RAD18: variants seen among roughly 807,000 people sequenced by gnomAD.
The protein encoded by RAD18 is E3 ubiquitin-protein ligase RAD18.
Under a neutral mutation model 60.4 loss-of-function variants are expected in RAD18, and 47 were observed. The observed-to-expected ratio is 0.78, with a 90% CI of 0.62 to 0.99. RAD18 has a LOEUF of 0.99. Ranked by LOEUF, RAD18 falls within the 50% of genes least tolerant of loss-of-function variation. RAD18 has a pLI of 0.00. For synonymous variants in RAD18, 225 were observed against 195.5 expected (o/e 1.15, Z -1.26); for missense variants, 640 against 593.3 (o/e 1.08, Z -0.82).
At chr3:8,957,387 T>G (rs1476027104) in intron 2 of RAD18, among the ~76,000 whole-genome samples, 1 of 151,930 alleles carries the variant, frequency 6.6e-6, no homozygotes, top group African/African-American at 2.4e-5. Context: ...GAAAAAAAAG[T>G]TGGAGGACTT....
chr3:8,944,574 C>T (rs148199540), intron 4 of RAD18, among the ~76,000 whole-genome samples: 50 of 115,698 alleles, frequency 4.3e-4, no homozygotes, highest in African/African-American at 1.0e-3. Flanking sequence ...GAGGAATAGA[C>T]GGGGGAGGGA....
intron 7 of RAD18, among the ~76,000 whole-genome samples, chr3:8,928,111 A>G (rs1940478890): frequency 6.6e-6 from 1 of 152,036 alleles, no homozygotes; most frequent in Non-Finnish European, 1.5e-5. Context: ...GAAGTAGTGT[A>G]CTATTCATTG....
intron 11 of RAD18, among the ~76,000 whole-genome samples, chr3:8,892,784 G>A (rs1376637875): frequency 2.0e-5 from 3 of 152,066 alleles, no homozygotes; most frequent in East Asian, 1.9e-4. Flanking sequence ...AAATACCTAC[G>A]GCAAATGTAT....
chr3:8,927,465 C>A (rs534883707), intron 7 of RAD18, among the ~76,000 whole-genome samples: 1 of 152,298 alleles, frequency 6.6e-6, no homozygotes, highest in South Asian at 2.1e-4. Context: ...GTTGGTGGGA[C>A]TGTAAACTAG....
In RAD18 at chr3:8,947,336, C is replaced by T. The variant is rs777773769; in HGVS notation, c.196-46G>A. On this transcript the variant is annotated intron_variant, in intron 3 of 12. Transcript: ENST00000264926. ...ATGGAAAAAGGTCAAAAACAATAAT[C>T]AACTTGTCATAATCTTGTTTTTGAA... 5.6e-6 allele frequency: 8 copies of T among 1,435,734 alleles called. No individual in the cohort carries two copies. In the Admixed American group the frequency reaches 1.4e-4, roughly 25 times the overall value. The allele number at this position is 1,435,734 out of a possible 1,614,324, so 88.9% of individuals were successfully genotyped here. A position where few individuals can be genotyped will look rare whatever the true frequency, so the allele number is the denominator to read the frequency against.
In RAD18 at chr3:8,894,821, C is replaced by T. The variant is rs547859431; in HGVS notation, c.1322+4073G>A. On this transcript the variant is annotated intron_variant, in intron 11 of 12. Transcript: ENST00000264926. ...TGTCACCCAGGCTGGAGTGCAGTGG[C>T]GCGATATCGGCTCACAGCAACCTCC... Among the ~76,000 whole-genome samples the T allele has an allele frequency of 4.2e-5, 6 of 141,292 alleles. No homozygotes were observed. In the South Asian group the frequency reaches 6.6e-4, roughly 16 times the overall value. 92.7% of individuals were successfully genotyped at this position (141,292 alleles called of 152,430 possible). A position where few individuals can be genotyped will look rare whatever the true frequency, so the allele number is the denominator to read the frequency against.
chr3:8,958,816 C>A, intron 2 of RAD18, 104 bp downstream of exon 2: 1 of 889,542 alleles, frequency 1.1e-6, no homozygotes, highest in Non-Finnish European at 1.8e-6. Context: ...GATAGAAGAG[C>A]TAAAGGTGAA....
intron 7 of RAD18, among the ~76,000 whole-genome samples, chr3:8,916,012 C>T (rs1056311836): frequency 1.2e-4 from 19 of 152,306 alleles, no homozygotes; most frequent in Middle Eastern, 6.8e-3. Flanking sequence ...AAGAGAACCA[C>T]CCCCACTGCA....
At chr3:8,913,517 A>T in intron 8 of RAD18, 127 bp downstream of exon 8, 1 of 628,614 alleles carries the variant, frequency 1.6e-6, no homozygotes, top group Non-Finnish European at 2.5e-6. Context: ...GTTGCAAGTA[A>T]ATCATAATAC....
At chr3:8,884,798 C>G (rs1218433307) in intron 12 of RAD18, among the ~76,000 whole-genome samples, 1 of 152,164 alleles carries the variant, frequency 6.6e-6, no homozygotes, top group Non-Finnish European at 1.5e-5. Flanking sequence ...AACACCTCAT[C>G]CCCTAAGATG....
In RAD18 at chr3:8,902,436, G is replaced by A; in HGVS notation, c.1112C>T (p.Thr371Ile). The A allele has an allele frequency of 3.1e-6, 5 of 1,609,918 alleles. No homozygotes were observed. The highest frequency in any genetic ancestry group is 4.2e-6 in the Non-Finnish European group (5 of 1,177,318). The part of the protein sequence containing the change: ...YKKIAGMSQK[T>I]VTITKEDEST... ...TTCATCTTCTTTTGTTATTGTTACT[G>A]TTTTTTGTGACATTCCAGCAATTTT... The change falls in exon 10 of 13, where the codon ACA (threonine) becomes ATA (isoleucine). Residue 371 changes from threonine to isoleucine, a missense_variant. By Grantham distance (89) the Thr-to-Ile change is moderately conservative (BLOSUM62 -1). Transcript: ENST00000264926.
chr3:8,914,810 G>C (rs1053659579), intron 7 of RAD18, among the ~76,000 whole-genome samples: 2 of 151,958 alleles, frequency 1.3e-5, no homozygotes, highest in East Asian at 3.9e-4. Context: ...TATCACTAAA[G>C]ACAGAGAACA....
At chr3:8,890,532 A>G in intron 11 of RAD18, 81 bp from the exon 12 acceptor site, 1 of 1,116,642 alleles carries the variant, frequency 9.0e-7, no homozygotes, top group Admixed American at 1.9e-5. Flanking sequence ...AGAAAAAAAC[A>G]AATGAGTCTA....
At position 8,960,572 on chromosome 3, in the gene RAD18, G is replaced by A. The variant is rs45577836; in HGVS notation, c.52-1571C>T. Among the ~76,000 whole-genome samples, 1,435 of 152,256 alleles carry A rather than the reference G, an allele frequency of 9.4e-3. 31 individuals are homozygous for A. Among genetic ancestry groups the A allele is most frequent in the African/African-American group, 0.033 (1,362 of 41,546 alleles). On this transcript the variant is annotated intron_variant, in intron 1 of 12. Transcript: ENST00000264926. ...AACATGCTTTCAAAGAATAATTAAT[G>A]CCCTAGGAAAATAAAAATCAGAAAA...
In RAD18 at chr3:8,912,300, C is replaced by T. The variant is rs760526324; in HGVS notation, c.1027+12G>A. 1.2e-5 allele frequency: 19 copies of T among 1,534,350 alleles called. No homozygotes were observed. Among genetic ancestry groups the T allele is most frequent in the East Asian group, 7.1e-5 (3 of 42,196 alleles). On this transcript the variant is annotated intron_variant, in intron 9 of 12. Transcript: ENST00000264926. ...AAGCTCTTTACAAATTAAATAAAGT[C>T]GTGCAACTTACGATATTTACTGTGG...
chr3:8,944,609 G>GAGGAGGGAGGGAGAAAGGAA (rs1940810288), intron 4 of RAD18, among the ~76,000 whole-genome samples: 1 of 147,048 alleles, frequency 6.8e-6, no homozygotes, highest in African/African-American at 2.5e-5. Context: ...AAGGAGAAAG[G>GAGGAGGGAGGGAGAAAGGAA]AGGAGGGAGG....
chr3:8,931,292 T>A (rs1035839428), intron 7 of RAD18, among the ~76,000 whole-genome samples: 2 of 152,100 alleles, frequency 1.3e-5, no homozygotes, highest in African/African-American at 4.8e-5. Flanking sequence ...TATTTAAGGA[T>A]ACATTTAACA....
chr3:8,941,591 T>C lies in RAD18; in HGVS notation c.480A>G (p.Gln160=). The C allele has an allele frequency of 6.2e-7, 1 of 1,614,196 alleles. No homozygotes were observed. Among genetic ancestry groups the C allele is most frequent in the Non-Finnish European group, 8.5e-7 (1 of 1,180,028 alleles). Residue 160 remains glutamine, a synonymous_variant, in exon 5 of 13, where the codon CAA becomes CAG. Transcript: ENST00000264926. ...TCTTTGCAGCAGGGCTCGCCTCTTTTTGAGGGCTGAATTTGCTTTTATTTT... is the reference window on the plus strand; with the variant it reads ...TCTTTGCAGCAGGGCTCGCCTCTTTCTGAGGGCTGAATTTGCTTTTATTTT... ...IKENKSKFSP[Q]KEASPAAKTK... is the part of the protein sequence containing the mutation.
At chr3:8,954,971 A>G (rs1940984389) in intron 2 of RAD18, among the ~76,000 whole-genome samples, 2 of 152,222 alleles carry the variant, frequency 1.3e-5, no homozygotes, top group Admixed American at 6.5e-5. Context: ...AAAATAAAAA[A>G]TCATCATTAC....
Sources: gnomAD v4.1 joint callset for allele counts (sites outside exome capture counted in the v4.1 genomes callset) on GRCh38, gnomAD v4.1.1 for gene constraint, MANE v1.5 for transcripts, NCBI Gene and HGNC (gene_info 2026-07-23, HGNC 2026-07-21) for gene names.